The following ENPP2 variants were observed in gnomAD, a reference collection of about 807,000 sequenced individuals.
ENPP2 encodes the protein ectonucleotide pyrophosphatase/phosphodiesterase 2.
Under a neutral mutation model 120.2 loss-of-function variants are expected in ENPP2, and 51 were observed. The ratio of observed to expected loss-of-function variants is 0.42; its 90% CI spans 0.34 to 0.54. The LOEUF (loss-of-function observed/expected upper bound fraction) is 0.54. ENPP2 is among the 20% of genes least tolerant of loss of function. ENPP2 has a pLI of 0.04. For missense variants in ENPP2, 920 were observed against 1,066.5 expected (o/e 0.86, Z 1.91); for synonymous variants, 365 against 366.4 (o/e 1.00, Z 0.04).
chr8:119,662,984 G>A (rs574412398), intron 1 of ENPP2, among the ~76,000 whole-genome samples: 1 of 151,944 alleles, frequency 6.6e-6, no homozygotes, highest in Non-Finnish European at 1.5e-5. Flanking sequence ...AGGTGTGATG[G>A]CACACACCTG....
rs372150500 is a variant in ENPP2 at position 119,638,374 on chromosome 8, C to G, written c.136+51G>C. On this transcript the variant is annotated intron_variant, in intron 2 of 24. Coordinates refer to ENST00000075322, the MANE Select transcript of ENPP2 (RefSeq NM_001040092.3). ...TTTAATAAGCTTACATTGATTACCCCGTATGTAATATTTTTAAAAAATTGA... is the reference window on the plus strand; with the variant it reads ...TTTAATAAGCTTACATTGATTACCCGGTATGTAATATTTTTAAAAAATTGA... 4 of 861,904 alleles carry G rather than the reference C, an allele frequency of 4.6e-6. No individual in the cohort carries two copies. The East Asian group carries it at 7.2e-5, about 16-fold the overall frequency. 53.4% of individuals were successfully genotyped at this position (861,904 alleles called of 1,614,324 possible). A position where few individuals can be genotyped will look rare whatever the true frequency, so the allele number is the denominator to read the frequency against.
At chr8:119,590,072 TC>T (rs1813392522) in intron 13 of ENPP2, among the ~76,000 whole-genome samples, 1 of 152,178 alleles carries the variant, frequency 6.6e-6, no homozygotes, top group African/African-American at 2.4e-5. Context: ...ACCCCCACAG[TC>T]CAAATGTGGT....
In ENPP2 at chr8:119,638,776, G is replaced by A. The variant is rs1563764517; in HGVS notation, c.5C>T (p.Ala2Val). 1 of 1,611,330 alleles carries A rather than the reference G, an allele frequency of 6.2e-7. No individual in the cohort carries two copies. The highest frequency in any genetic ancestry group is 2.2e-5 in the East Asian group (1 of 44,874). Residue 2 changes from alanine to valine, a missense_variant, in exon 1 of 25, where the codon GCA becomes GTA. Ala to Val is a moderately conservative substitution (Grantham distance 64, BLOSUM62 0). Transcript: ENST00000075322. M[A>V]RRSSFQSCQI... ...ACACGACTGGAACGAGCTCCTCCTT[G>A]CCATGTCGAGGATTCTTGGAAAGCC...
chr8:119,581,770 T>G (rs550633201), intron 18 of ENPP2, among the ~76,000 whole-genome samples: 16 of 151,700 alleles, frequency 1.1e-4, no homozygotes, highest in Admixed American at 2.0e-4. Context: ...TTCCTTTTTT[T>G]TTTTTTTGAG....
intron 11 of ENPP2, among the ~76,000 whole-genome samples, chr8:119,595,542 G>A (rs922097472): frequency 6.6e-5 from 10 of 152,112 alleles, no homozygotes. Flanking sequence ...CACAAACCAT[G>A]TGACTGATTC....
At chr8:119,654,407 ATATATAAT>A (rs1423799554) in intron 1 of ENPP2, among the ~76,000 whole-genome samples, 3 of 144,974 alleles carry the variant, frequency 2.1e-5, no homozygotes, top group African/African-American at 7.5e-5. Flanking sequence ...TAATATCTAG[ATATATAAT>A]ATAAAATATT....
At chr8:119,633,315 T>C (rs1816794767) in intron 2 of ENPP2, among the ~76,000 whole-genome samples, 1 of 152,188 alleles carries the variant, frequency 6.6e-6, no homozygotes, top group Non-Finnish European at 1.5e-5. Context: ...GGGGGAAGGT[T>C]CTTCTAAGCT....
At chr8:119,582,253 A>T (rs1049809215) in intron 18 of ENPP2, among the ~76,000 whole-genome samples, 165 bp downstream of exon 18, 2 of 152,222 alleles carry the variant, frequency 1.3e-5, no homozygotes, top group African/African-American at 2.4e-5. Context: ...CTTTAATTAT[A>T]AAGTAATGAA....
chr8:119,590,733 G>C, intron 12 of ENPP2, 103 bp from the exon 13 acceptor site: 3 of 759,296 alleles, frequency 4.0e-6, no homozygotes, highest in Non-Finnish European at 6.0e-6. Context: ...TTAGTTTTTA[G>C]TAACTTAATG....
chr8:119,620,968 G>T (rs1021436441), intron 4 of ENPP2, among the ~76,000 whole-genome samples: 1 of 152,064 alleles, frequency 6.6e-6, no homozygotes, highest in East Asian at 1.9e-4. Flanking sequence ...AGAGGGAGGC[G>T]AGGCTAACTG....
intron 1 of ENPP2, among the ~76,000 whole-genome samples, chr8:119,666,454 A>C (rs1818071807): frequency 6.6e-6 from 1 of 152,144 alleles, no homozygotes; most frequent in Admixed American, 6.5e-5. Flanking sequence ...TCAGTAATAT[A>C]ATGCAACCTA....
chr8:119,572,166 C>A, intron 19 of ENPP2: 1 of 1,541,024 alleles, frequency 6.5e-7, no homozygotes, highest in Non-Finnish European at 8.8e-7. Context: ...CTTCAAAACT[C>A]AAACCAAACC....
chr8:119,607,165 C>T (rs1410394690), intron 9 of ENPP2, among the ~76,000 whole-genome samples: 1 of 152,106 alleles, frequency 6.6e-6, no homozygotes, highest in Non-Finnish European at 1.5e-5. Flanking sequence ...CCTTCGGCTC[C>T]CCAGAGGCCT....
upstream of ENPP2, among the ~76,000 whole-genome samples, chr8:119,640,621 A>G (rs1431513421): frequency 6.6e-6 from 1 of 152,014 alleles, no homozygotes; most frequent in Non-Finnish European, 1.5e-5. Context: ...TCATCCATTT[A>G]TTTTTCTCTT....
intron 20 of ENPP2, among the ~76,000 whole-genome samples, chr8:119,569,920 T>C (rs548851644): frequency 6.6e-6 from 1 of 152,132 alleles, no homozygotes; most frequent in Non-Finnish European, 1.5e-5. Flanking sequence ...TTGTGATATA[T>C]ACCTATTTAT....
chr8:119,572,047 G>A (rs934395171), intron 19 of ENPP2: 1 of 680,390 alleles, frequency 1.5e-6, no homozygotes, highest in Non-Finnish European at 2.5e-6. Flanking sequence ...CACCCCTAAG[G>A]ATTAGAACAT....
intron 3 of ENPP2, among the ~76,000 whole-genome samples, chr8:119,623,630 T>C (rs1816063643): frequency 6.6e-6 from 1 of 152,130 alleles, no homozygotes; most frequent in Non-Finnish European, 1.5e-5. Flanking sequence ...TTTGTTGTTT[T>C]GTTTTGTTTT....
chr8:119,587,582 G>A lies in ENPP2; in HGVS notation c.1208-507C>T, dbSNP rs546349734. On this transcript the variant is annotated intron_variant, in intron 13 of 24. Coordinates refer to ENST00000075322, the MANE Select transcript of ENPP2 (RefSeq NM_001040092.3). ...TTGTTTCCCTATTTATATCCTGGGTGTAATTACACAGGTAGCCGCACCTCT... is the reference window on the plus strand; with the variant it reads ...TTGTTTCCCTATTTATATCCTGGGTATAATTACACAGGTAGCCGCACCTCT... Among the ~76,000 whole-genome samples the A allele has an allele frequency of 1.4e-4, 21 of 152,250 alleles. 1 individual carries two copies. In the South Asian group the frequency reaches 3.9e-3, roughly 29 times the overall value.
chr8:119,567,677 C>G (rs1814589725), intron 22 of ENPP2, among the ~76,000 whole-genome samples: 1 of 152,214 alleles, frequency 6.6e-6, no homozygotes, highest in Admixed American at 6.5e-5. Flanking sequence ...GGCCAACATT[C>G]AGAAAATGTT....
Sources: allele counts gnomAD v4.1 joint callset (sites outside exome capture counted in the v4.1 genomes callset), GRCh38; gene constraint gnomAD v4.1.1; transcripts MANE v1.5; gene names NCBI Gene and HGNC (gene_info 2026-07-23, HGNC 2026-07-21).